ARHGEF38: variants seen among roughly 807,000 people sequenced by gnomAD.
ARHGEF38 encodes the protein Rho guanine nucleotide exchange factor 38.
Under a neutral mutation model 79.9 loss-of-function variants are expected in ARHGEF38, and 79 were observed. The observed-to-expected ratio is 0.99, with a 90% CI of 0.82 to 1.19. The LOEUF (loss-of-function observed/expected upper bound fraction) is 1.19, where lower values mean the gene tolerates loss of function less well. ARHGEF38 is among the 50% of genes most tolerant of loss of function. The pLI is 0.00. For synonymous variants in ARHGEF38, 366 were observed against 328.3 expected, an observed-to-expected ratio of 1.11 and a Z score of -1.24; for missense variants, 962 against 907.2, an observed-to-expected ratio of 1.06 and a Z score of -0.78.
intron 1 of ARHGEF38, among the ~76,000 whole-genome samples, chr4:105,564,883 C>G (rs1725812033): frequency 6.6e-6 from 1 of 152,152 alleles, no homozygotes; most frequent in Non-Finnish European, 1.5e-5. Flanking sequence ...AACATCTGCC[C>G]AAGGTGGTCA....
intron 2 of ARHGEF38, among the ~76,000 whole-genome samples, chr4:105,609,193 A>G (rs1343377300): frequency 6.6e-6 from 1 of 152,026 alleles, no homozygotes; most frequent in Non-Finnish European, 1.5e-5. Flanking sequence ...GTAAGGGTCT[A>G]GTTTCATTTT....
intron 5 of ARHGEF38, among the ~76,000 whole-genome samples, chr4:105,640,764 T>G (rs1032163160): frequency 2.6e-5 from 4 of 152,208 alleles, no homozygotes; most frequent in Non-Finnish European, 5.9e-5. Context: ...AATTCTAAAT[T>G]GGAAACCATT....
At chr4:105,554,247 G>C (rs895818912) in intron 1 of ARHGEF38, among the ~76,000 whole-genome samples, 3 of 152,108 alleles carry the variant, frequency 2.0e-5, no homozygotes, top group African/African-American at 7.2e-5. Context: ...ATGTGTGTTT[G>C]TTACTTGCGT....
At chr4:105,589,920 T>A (rs371986614) in intron 2 of ARHGEF38, among the ~76,000 whole-genome samples, 1 of 151,648 alleles carries the variant, frequency 6.6e-6, no homozygotes. Flanking sequence ...ACGCCTGTAA[T>A]CCCAGCTACT....
At chr4:105,664,930 G>C (rs1208238210) in intron 10 of ARHGEF38, among the ~76,000 whole-genome samples, 5 of 152,118 alleles carry the variant, frequency 3.3e-5, no homozygotes, top group Non-Finnish European at 7.4e-5. Flanking sequence ...ATTTCCTACA[G>C]GTGCTCCTTA....
intron 5 of ARHGEF38, among the ~76,000 whole-genome samples, chr4:105,637,163 A>C (rs1186304529): frequency 6.6e-6 from 1 of 152,110 alleles, no homozygotes; most frequent in East Asian, 1.9e-4. Context: ...ATGTACTTTA[A>C]ATTCCTAAGA....
intron 1 of ARHGEF38, among the ~76,000 whole-genome samples, chr4:105,582,071 A>T (rs1411638380): frequency 6.6e-6 from 1 of 151,220 alleles, no homozygotes; most frequent in Non-Finnish European, 1.5e-5. Flanking sequence ...AGGCTGAGGC[A>T]GGAGAATCAC....
At chr4:105,565,207 A>G (rs1261857984) in intron 1 of ARHGEF38, among the ~76,000 whole-genome samples, 1 of 152,144 alleles carries the variant, frequency 6.6e-6, no homozygotes, top group Non-Finnish European at 1.5e-5. Context: ...CAGCCCCAGT[A>G]TTTGAGCTTT....
rs145724880 is a variant in ARHGEF38 at position 105,615,987 on chromosome 4, C to T, written c.508+2480C>T. Among the ~76,000 whole-genome samples, 8 of 152,260 alleles carry T rather than the reference C, an allele frequency of 5.3e-5. No individual in the cohort carries two copies. The East Asian group carries it at 1.4e-3, about 26-fold the overall frequency. ...GGTGTAGCAGCTAGTTGTGTCATGA[C>T]CCATGCTGGGTGGCCCATGTCATGA... On this transcript the variant is annotated intron_variant, in intron 3 of 13. Transcript: ENST00000420470.
intron 7 of ARHGEF38, 141 bp downstream of exon 7, chr4:105,648,823 T>TCC: frequency 2.1e-6 from 1 of 474,490 alleles, no homozygotes; most frequent in Non-Finnish European, 3.5e-6. Context: ...TGTCTCCCTC[T>TCC]CTCTCTCTCT....
At chr4:105,606,109 A>C (rs1403403884) in intron 2 of ARHGEF38, among the ~76,000 whole-genome samples, 1 of 152,140 alleles carries the variant, frequency 6.6e-6, no homozygotes, top group Non-Finnish European at 1.5e-5. Flanking sequence ...CCAAGGTTCT[A>C]TTAGACCAAA....
At chr4:105,656,250 T>C (rs374127800) in intron 9 of ARHGEF38, among the ~76,000 whole-genome samples, 4 of 151,938 alleles carry the variant, frequency 2.6e-5, no homozygotes, top group African/African-American at 9.7e-5. Flanking sequence ...GAGGCGGGGT[T>C]TCACCATGTT....
At chr4:105,558,918 A>G (rs1725383238) in intron 1 of ARHGEF38, among the ~76,000 whole-genome samples, 1 of 151,818 alleles carries the variant, frequency 6.6e-6, no homozygotes, top group Non-Finnish European at 1.5e-5. Context: ...GAGGGGAGAG[A>G]CAGACAGAAA....
chr4:105,649,482 T>C (rs1730000378), intron 7 of ARHGEF38, among the ~76,000 whole-genome samples: 1 of 152,230 alleles, frequency 6.6e-6, no homozygotes, highest in South Asian at 2.1e-4. Flanking sequence ...CTTGCAATTC[T>C]TTGAGAATCA....
Position 105,574,932 on chromosome 4 carries a change from G to A in ARHGEF38, c.197-14316G>A, listed in dbSNP as rs1726416884. On this transcript the variant is annotated intron_variant, in intron 1 of 13. Transcript: ENST00000420470. ...AGACATTATTTCATTCTTTTTTATGGCTATATTCCATAGCACATATATATA... is the reference window on the plus strand; with the variant it reads ...AGACATTATTTCATTCTTTTTTATGACTATATTCCATAGCACATATATATA... 2.0e-5 allele frequency among the ~76,000 whole-genome samples: 3 copies of A among 150,288 alleles called. No individual in the cohort carries two copies. In the Admixed American group the frequency reaches 2.0e-4, roughly 10 times the overall value.
At chr4:105,560,723 A>G (rs1235310020) in intron 1 of ARHGEF38, among the ~76,000 whole-genome samples, 1 of 152,224 alleles carries the variant, frequency 6.6e-6, no homozygotes, top group Non-Finnish European at 1.5e-5. Flanking sequence ...TTAGACTGAC[A>G]TACAATTCTT....
intron 5 of ARHGEF38, among the ~76,000 whole-genome samples, chr4:105,642,407 T>A (rs13128469): frequency 0.034 from 5,197 of 152,232 alleles, 102 homozygotes; most frequent in Non-Finnish European, 0.05. Context: ...ATACTATTAT[T>A]GTCATTTGAA....
chr4:105,587,445 G>A (rs775757961), intron 1 of ARHGEF38, among the ~76,000 whole-genome samples: 2 of 152,092 alleles, frequency 1.3e-5, no homozygotes, highest in Non-Finnish European at 2.9e-5. Flanking sequence ...TATAGCTCAT[G>A]TGGATTATGA....
At chr4:105,662,062 A>G (rs1730585114) in intron 10 of ARHGEF38, among the ~76,000 whole-genome samples, 1 of 152,128 alleles carries the variant, frequency 6.6e-6, no homozygotes, top group Non-Finnish European at 1.5e-5. Context: ...ACTATGTACC[A>G]TTTTGGATTC....
Sources: allele counts gnomAD v4.1 joint callset (sites outside exome capture counted in the v4.1 genomes callset), GRCh38; gene constraint gnomAD v4.1.1; transcripts MANE v1.5; gene names NCBI Gene and HGNC (gene_info 2026-07-23, HGNC 2026-07-21).